DRC12: variants seen among roughly 807,000 people sequenced by gnomAD.
The protein encoded by DRC12 is dynein regulatory complex subunit 12 homolog.
At chr11:119,193,234 C>T in the DRC12 span, 46 of 1,613,768 alleles carry the variant, frequency 2.9e-5, no homozygotes, top group South Asian at 1.5e-4. Context: ...ATGGCACTGG[C>T]GACTCATCTC....
the DRC12 span, among the ~76,000 whole-genome samples, chr11:119,194,368 C>A: frequency 3.3e-3 from 498 of 151,894 alleles, 5 homozygotes; most frequent in African/African-American, 0.011. Flanking sequence ...CAAAAATTAG[C>A]CAGGTGTGGT....
chr11:119,193,733 G>A, the DRC12 span: 6 of 1,547,052 alleles, frequency 3.9e-6, no homozygotes, highest in South Asian at 7.1e-5. Context: ...CCAAGCCCCT[G>A]TCTCCTGCCC....
chr11:119,193,712 G>A, the DRC12 span: 4 of 1,543,530 alleles, frequency 2.6e-6, no homozygotes, highest in Non-Finnish European at 3.5e-6. Context: ...GACCCTGTTG[G>A]TTGTCCTCCT....
At chr11:119,194,025 T>G in the DRC12 span, 1 of 837,362 alleles carries the variant, frequency 1.2e-6, no homozygotes, top group Non-Finnish European at 1.8e-6. Flanking sequence ...GGTTTTGTTG[T>G]TTTTGTTTTT....
chr11:119,195,170 A>T, the DRC12 span: 13 of 632,882 alleles, frequency 2.1e-5, no homozygotes, highest in Non-Finnish European at 3.1e-5. Context: ...CGACCAGCAC[A>T]TAACAGATAT....
At chr11:119,193,816 AC>A in the DRC12 span, 1 of 1,551,040 alleles carries the variant, frequency 6.4e-7, no homozygotes, top group Non-Finnish European at 8.7e-7. Context: ...CTCAGCCTCC[AC>A]CCCTTGCAGC....
chr11:119,193,106 C>A, the DRC12 span: 1 of 1,531,044 alleles, frequency 6.5e-7, no homozygotes, highest in Non-Finnish European at 9.1e-7. Flanking sequence ...CTGGCCCTTG[C>A]TGCAACTCTT....
the DRC12 span, chr11:119,195,571 G>A: frequency 8.8e-7 from 1 of 1,132,296 alleles, no homozygotes; most frequent in African/African-American, 1.6e-5. Context: ...GACTGAACCA[G>A]GAGACTCTCC....
At chr11:119,194,541 A>AAAAAAAAAAAG in the DRC12 span, among the ~76,000 whole-genome samples, 12 of 66,034 alleles carry the variant, frequency 1.8e-4, 1 homozygote, top group Non-Finnish European at 2.6e-4. Context: ...AAAAAAAAAA[A>AAAAAAAAAAAG]AAAATAAATA....
chr11:119,191,969 C>T, the DRC12 span, among the ~76,000 whole-genome samples: 1 of 137,228 alleles, frequency 7.3e-6, no homozygotes, highest in African/African-American at 2.8e-5. Flanking sequence ...TATAGCTAAA[C>T]CGAAGGCCTT....
the DRC12 span, among the ~76,000 whole-genome samples, chr11:119,192,684 T>C: frequency 6.6e-6 from 1 of 152,198 alleles, no homozygotes; most frequent in Non-Finnish European, 1.5e-5. Flanking sequence ...TCTTGCTCTG[T>C]TGCCCAGGCT....
chr11:119,194,542 A>AAAAAAAAAAAT, the DRC12 span, among the ~76,000 whole-genome samples: 1 of 48,212 alleles, frequency 2.1e-5, no homozygotes, highest in African/African-American at 8.7e-5. Context: ...AAAAAAAAAA[A>AAAAAAAAAAAT]AAATAAATAA....
chr11:119,190,848 C>G, the DRC12 span: 2 of 1,609,556 alleles, frequency 1.2e-6, no homozygotes, highest in Non-Finnish European at 1.7e-6. The surrounding 1 kb of genome is among the most constrained non-coding windows in gnomAD (Gnocchi z 4.2). Context: ...CCTCTGGGGG[C>G]AGGCAGGATG....
At chr11:119,192,025 G>T in the DRC12 span, among the ~76,000 whole-genome samples, 1 of 150,816 alleles carries the variant, frequency 6.6e-6, no homozygotes, top group Non-Finnish European at 1.5e-5. Context: ...GCCGAGGCTG[G>T]AGTGCAGTGG....
the DRC12 span, chr11:119,190,338 G>T: frequency 1.2e-6 from 2 of 1,614,146 alleles, no homozygotes; most frequent in Non-Finnish European, 1.7e-6. The surrounding 1 kb of genome is among the most constrained non-coding windows in gnomAD (Gnocchi z 4.2). Context: ...GATCCAGGGG[G>T]GGTGAGTCCA....
the DRC12 span, chr11:119,195,376 T>C: frequency 7.3e-6 from 11 of 1,511,182 alleles, no homozygotes; most frequent in East Asian, 1.5e-4. Context: ...GTGGTCTTCA[T>C]GGCAGAACAT....
the DRC12 span, chr11:119,193,914 G>T: frequency 6.5e-7 from 1 of 1,548,472 alleles, no homozygotes; most frequent in South Asian, 1.2e-5. Context: ...CCGCCGTCAG[G>T]ACTGGCTGGG....
the DRC12 span, chr11:119,194,967 T>G: frequency 6.4e-7 from 1 of 1,551,530 alleles, no homozygotes; most frequent in Non-Finnish European, 8.7e-7. Context: ...CACCAGCCTG[T>G]GCCTGGACTC....
the DRC12 span, chr11:119,195,406 C>G: frequency 6.5e-7 from 1 of 1,549,942 alleles, no homozygotes; most frequent in African/African-American, 1.4e-5. Context: ...GGGGGCACCT[C>G]CACCCACCAT....
Sources: gnomAD v4.1 joint callset for allele counts (sites outside exome capture counted in the v4.1 genomes callset) on GRCh38, gnomAD v4.1.1 for gene constraint, Gnocchi (gnomAD v3.1) non-coding constraint, MANE v1.5 for transcripts, NCBI Gene and HGNC (gene_info 2026-07-23, HGNC 2026-07-21) for gene names.